The following IL17RB variants were observed in gnomAD, a reference collection of about 807,000 sequenced individuals.
The protein encoded by IL17RB is interleukin-17 receptor B.
Under a neutral mutation model 43.9 loss-of-function variants are expected in IL17RB, and 36 were observed. That is an observed-to-expected ratio of 0.82 (90% CI 0.63 to 1.08). The LOEUF is 1.08. Among genes scored for constraint, IL17RB ranks in the 50% least tolerant of loss-of-function variants. The pLI is 0.00. For missense variants in IL17RB, 613 were observed against 613.6 expected (o/e 1.00, Z 0.01); for synonymous variants, 225 against 225.4 (o/e 1.00, Z 0.02).
Position 53,860,182 on chromosome 3 carries a change from G to A in IL17RB, c.900G>A (p.Val300=), listed in dbSNP as rs146998365. ...CTCTCCTCCTGCTGTCTCTGCTGGT[G>A]GCCACATGGGTGCTGGTGGCAGGGA... ...WLPLLLLSLL[V]ATWVLVAGIY... Residue 300 remains valine (V), a synonymous_variant, in exon 10 of 11, where the codon GTG becomes GTA. Coordinates refer to ENST00000288167, the MANE Select transcript of IL17RB (RefSeq NM_018725.4). 33 of 1,613,930 alleles carry A rather than the reference G, an allele frequency of 2.0e-5. No homozygotes were observed. The highest frequency in any genetic ancestry group is 2.6e-5 in the Non-Finnish European group (31 of 1,179,950).
chr3:53,865,201 C>T lies in IL17RB; in HGVS notation c.1402C>T (p.Leu468Phe), dbSNP rs772985238. The stretch of plus-strand genomic sequence containing the variant: ...TCTCAGTGTCTGCCCCAAGTACCAC[C>T]TCATGAAGGATGCCACTGCTTTCTG... ...NALSVCPKYH[L>F]MKDATAFCAE... The change falls in exon 11 of 11, where the codon CTC becomes TTC. Residue 468 changes from leucine to phenylalanine, a missense_variant. Transcript: ENST00000288167. 1 of 1,614,052 alleles carries T rather than the reference C, an allele frequency of 6.2e-7. No homozygotes were observed. The highest frequency in any genetic ancestry group is 1.1e-5 in the South Asian group (1 of 91,076).
intron 4 of IL17RB, 54 bp from the exon 5 acceptor site, chr3:53,852,817 T>C: frequency 3.2e-6 from 5 of 1,579,066 alleles, no homozygotes; most frequent in Non-Finnish European, 4.3e-6. Context: ...TAAGGTATAC[T>C]GTTTCTGTAC....
At chr3:53,848,274 A>G (rs1453334812) in intron 1 of IL17RB, among the ~76,000 whole-genome samples, 1 of 152,268 alleles carries the variant, frequency 6.6e-6, no homozygotes, top group Non-Finnish European at 1.5e-5. Context: ...AACCTGGGGT[A>G]GCCCAGTAAA....
chr3:53,856,046 C>G (rs1226219778), intron 6 of IL17RB, among the ~76,000 whole-genome samples: 1 of 152,220 alleles, frequency 6.6e-6, no homozygotes, highest in African/African-American at 2.4e-5. Flanking sequence ...GGTACCCTTT[C>G]AGACAGCCGT....
chr3:53,849,674 GC>G lies in IL17RB; in HGVS notation c.106del (p.Leu36TyrfsTer5), dbSNP rs1559773502. On this transcript the variant is annotated frameshift_variant, in exon 3 of 11. Transcript: ENST00000288167. LOFTEE classifies it high-confidence loss of function. ...TCCCAGGGCCATCTCCAGAGTGGAT[GC>G]TACAACATGATCTAATCCCCGGAGA... ...SETGPSPEWMLQHDLIPGDLR... is the reference protein window; with the variant it reads ...SETGPSPEWMXQHDLIPGDLR... The G allele has an allele frequency of 2.5e-6, 4 of 1,609,488 alleles. No individual in the cohort carries two copies. The South Asian group carries it at 4.4e-5, about 18-fold the overall frequency.
rs377088651 is a variant in IL17RB at position 53,853,809 on chromosome 3, G to A, written c.481+812G>A. Among the ~76,000 whole-genome samples the A allele has an allele frequency of 5.6e-4, 85 of 152,324 alleles. 1 individual carries two copies. In the Middle Eastern group the frequency reaches 0.014, roughly 24 times the overall value. On this transcript the variant is annotated intron_variant, in intron 5 of 10. Transcript: ENST00000288167. ...TTTGGTGCTGCACCATTTACTACAC[G>A]TGGTTTCCAACTTTCTTGATGAGAG... is the stretch of plus-strand genomic sequence containing the variant.
Position 53,855,318 on chromosome 3 carries a change from A to G in IL17RB, c.506A>G (p.Tyr169Cys), listed in dbSNP as rs145016915. The G allele has an allele frequency of 7.5e-6, 12 of 1,608,620 alleles. No individual in the cohort carries two copies. The highest frequency in any genetic ancestry group is 1.0e-5 in the Non-Finnish European group (12 of 1,176,182). ...GGCTGCCTAGACCACATAATGAAAT[A>G]TAAAAAAAAGTGTGTCAAGGCCGGT... ...SPGCLDHIMK[Y>C]KKKCVKAGSL... The change falls in exon 6 of 11, where the codon TAT becomes TGT. Residue 169 changes from tyrosine to cysteine, a missense_variant. Physicochemically the swap from Tyr to Cys is radical, Grantham distance 194. Transcript: ENST00000288167.
intron 5 of IL17RB, among the ~76,000 whole-genome samples, chr3:53,854,839 T>C (rs556322989): frequency 1.1e-4 from 16 of 152,304 alleles, no homozygotes; most frequent in Admixed American, 3.9e-4. Context: ...TGATGGATGG[T>C]TTTCGAGTCC....
chr3:53,848,538 C>T, intron 1 of IL17RB, 126 bp from the exon 2 acceptor site: 6 of 937,342 alleles, frequency 6.4e-6, no homozygotes, highest in Admixed American at 1.7e-5. Context: ...ACCAGTTCAT[C>T]TTTTCTTTGA....
intron 3 of IL17RB, among the ~76,000 whole-genome samples, chr3:53,850,814 A>G (rs1410352655): frequency 6.6e-6 from 1 of 152,128 alleles, no homozygotes; most frequent in Non-Finnish European, 1.5e-5. Flanking sequence ...ATAAAATAAA[A>G]TAAAATAAAA....
chr3:53,858,498 T>A, intron 8 of IL17RB: 1 of 1,397,694 alleles, frequency 7.2e-7, no homozygotes. Context: ...GTACAAAGTT[T>A]AGGTTCAGAC....
chr3:53,863,003 C>T (rs1699620900), intron 10 of IL17RB, among the ~76,000 whole-genome samples: 1 of 152,170 alleles, frequency 6.6e-6, no homozygotes, highest in African/African-American at 2.4e-5. Flanking sequence ...CGTCAGCCTA[C>T]TCAACAAGAT....
intron 10 of IL17RB, among the ~76,000 whole-genome samples, chr3:53,862,456 A>G (rs1186677997): frequency 6.6e-6 from 1 of 152,228 alleles, no homozygotes; most frequent in East Asian, 1.9e-4. Flanking sequence ...CCTGCAGGAG[A>G]AAACTGTCCA....
intron 9 of IL17RB, 125 bp downstream of exon 9, chr3:53,858,943 G>A: frequency 4.5e-6 from 3 of 663,202 alleles, no homozygotes; most frequent in Non-Finnish European, 7.8e-6. Context: ...TGTGTACACT[G>A]AACTGGGGTG....
intron 5 of IL17RB, 66 bp from the exon 6 acceptor site, chr3:53,855,228 T>C: frequency 9.3e-7 from 1 of 1,080,736 alleles, no homozygotes; most frequent in Non-Finnish European, 1.4e-6. Context: ...GTGTGTGCAC[T>C]TGGCAAAGGG....
chr3:53,847,064 C>G (rs1489094280), intron 1 of IL17RB, among the ~76,000 whole-genome samples: 1 of 152,142 alleles, frequency 6.6e-6, no homozygotes, highest in Non-Finnish European at 1.5e-5. Context: ...ATTAGTACCC[C>G]CTCCCTTTTT....
chr3:53,850,461 C>T (rs1576826870), intron 3 of IL17RB, among the ~76,000 whole-genome samples: 1 of 148,690 alleles, frequency 6.7e-6, no homozygotes, highest in East Asian at 2.0e-4. Flanking sequence ...CGCACCACTG[C>T]ACTCCAGCAG....
chr3:53,851,294 G>A (rs1033382059), intron 3 of IL17RB, among the ~76,000 whole-genome samples: 4 of 152,186 alleles, frequency 2.6e-5, no homozygotes, highest in Non-Finnish European at 5.9e-5. Context: ...GGATTCAGAG[G>A]GGTAGGGGAG....
intron 10 of IL17RB, among the ~76,000 whole-genome samples, chr3:53,863,760 A>G (rs1699660350): frequency 6.6e-6 from 1 of 152,142 alleles, no homozygotes; most frequent in Non-Finnish European, 1.5e-5. Context: ...TGCAGAGGTC[A>G]AGTGTCCCTG....
Sources: allele counts gnomAD v4.1 joint callset (sites outside exome capture counted in the v4.1 genomes callset), GRCh38; gene constraint gnomAD v4.1.1; transcripts MANE v1.5; gene names NCBI Gene and HGNC (gene_info 2026-07-23, HGNC 2026-07-21).